GAN: variants seen among roughly 807,000 people sequenced by gnomAD.
The protein encoded by GAN is epididymis secretory sperm binding protein.
A neutral mutation model predicts 71.3 loss-of-function variants in GAN; 48 were observed. The observed-to-expected ratio is 0.67, with a 90% confidence interval of 0.53 to 0.86. GAN has a LOEUF of 0.86. GAN is among the 40% of genes least tolerant of loss of function. GAN has a pLI of 0.00. For synonymous variants in GAN, 386 were observed against 276.8 expected (o/e 1.39, Z -3.92); for missense variants, 928 against 770.1 (o/e 1.21, Z -2.43).
At position 81,315,016 on chromosome 16, in the gene GAN, C is replaced by T. The variant is rs1043696723; in HGVS notation, c.-98C>T. ...AGCTTCTGCTCAGAGCGCGGAGAGC[C>T]GGGCCGGGCGGGCGCGCGCGCAGGA... On this transcript the variant is annotated 5_prime_UTR_variant, in exon 1 of 11. Transcript: ENST00000648994. 6 of 1,047,194 alleles carry T rather than the reference C, an allele frequency of 5.7e-6. No homozygotes were observed. The highest frequency in any genetic ancestry group is 3.3e-5 in the East Asian group (1 of 30,428). 64.9% of individuals were successfully genotyped at this position (1,047,194 alleles called of 1,614,324 possible).
chr16:81,325,761 G>A (rs987855062), intron 1 of GAN, among the ~76,000 whole-genome samples: 8 of 152,192 alleles, frequency 5.3e-5, no homozygotes, highest in Admixed American at 3.9e-4. Context: ...TAACAGTTTT[G>A]AGCCTGGCTG....
rs1910428014 is a variant in GAN at position 81,354,702 on chromosome 16, T to G, written c.580T>G (p.Tyr194Asp). Residue 194 changes from tyrosine to aspartate, a missense_variant, in exon 3 of 11, where the codon TAT becomes GAT. Tyr to Asp is a radical substitution (Grantham distance 160). Coordinates refer to ENST00000648994, the MANE Select transcript of GAN (RefSeq NM_022041.4). ...GAAGTTAAACGTTGGCAATGAAAGATATGTCTTTGAAGCAGTAATTCGATG... is the reference window on the plus strand; with the variant it reads ...GAAGTTAAACGTTGGCAATGAAAGAGATGTCTTTGAAGCAGTAATTCGATG... ...LEKLNVGNER[Y>D]VFEAVIRWIA... 3.7e-6 allele frequency: 6 copies of G among 1,612,990 alleles called. No homozygotes were observed. Among genetic ancestry groups the G allele is most frequent in the Non-Finnish European group, 5.1e-6 (6 of 1,179,028 alleles).
chr16:81,373,843 A>G (rs1904274608), intron 9 of GAN, among the ~76,000 whole-genome samples: 1 of 152,152 alleles, frequency 6.6e-6, no homozygotes, highest in African/African-American at 2.4e-5. Context: ...CCTGGGTTCA[A>G]GTGATTCTCC....
chr16:81,347,611 T>C (rs1016054476), intron 1 of GAN, among the ~76,000 whole-genome samples: 1 of 152,246 alleles, frequency 6.6e-6, no homozygotes, highest in Non-Finnish European at 1.5e-5. Flanking sequence ...TGACTTCATA[T>C]AGCTGAAAAT....
At chr16:81,372,649 C>A (rs1465538476) in intron 9 of GAN, among the ~76,000 whole-genome samples, 1 of 152,148 alleles carries the variant, frequency 6.6e-6, no homozygotes, top group Admixed American at 6.5e-5. Context: ...CCTGGTAGAT[C>A]ATCTATGTAG....
chr16:81,354,558 C>T lies in GAN; in HGVS notation c.436C>T (p.Leu146Phe), dbSNP rs1910422054. Residue 146 changes from leucine (L) to phenylalanine (F), a missense_variant, in exon 3 of 11, where the codon CTC (leucine) becomes TTC (phenylalanine). Coordinates refer to ENST00000648994, the MANE Select transcript of GAN (RefSeq NM_022041.4). ...CCGTGACTTTGCACTACATTACTGC[C>T]TCCATCACGTTCATTACCTTGCCAC... is the stretch of plus-strand genomic sequence containing the variant. ...GIRDFALHYC[L>F]HHVHYLATEY... 3 of 1,614,098 alleles carry T rather than the reference C, an allele frequency of 1.9e-6. No homozygotes were observed. The South Asian group carries it at 3.3e-5, about 18-fold the overall frequency.
intron 1 of GAN, among the ~76,000 whole-genome samples, chr16:81,348,285 G>A (rs906672926): frequency 2.4e-4 from 37 of 151,622 alleles, no homozygotes; most frequent in African/African-American, 8.0e-4. Flanking sequence ...TTATGTCATC[G>A]TACTCTTGTT....
intron 1 of GAN, 62 bp from the exon 2 acceptor site, chr16:81,351,521 A>G (rs1423103486): frequency 1.3e-6 from 1 of 781,146 alleles, no homozygotes; most frequent in East Asian, 2.5e-5. Context: ...TTTTGAGTAC[A>G]TAAATATTTA....
rs754108287 is a variant in GAN, at chr16:81,354,611, C to T, written c.489C>T (p.Asp163=). The T allele has an allele frequency of 1.4e-5, 22 of 1,613,736 alleles. No homozygotes were observed. The highest frequency in any genetic ancestry group is 2.2e-5 in the South Asian group (2 of 91,070). ...ATEYLETHFR[D]VSSTEEFLEL... ...AATACCTGGAGACTCATTTCCGAGA[C>T]GTCAGCAGCACGGAAGAATTCTTAG... Residue 163 remains aspartate (D), a synonymous_variant, in exon 3 of 11, where the codon GAC becomes GAT. Transcript: ENST00000648994.
At chr16:81,328,143 G>A (rs563528713) in intron 1 of GAN, among the ~76,000 whole-genome samples, 13 of 152,166 alleles carry the variant, frequency 8.5e-5, no homozygotes, top group South Asian at 8.3e-4. Flanking sequence ...AAAATGACGC[G>A]AACTAGATTT....
chr16:81,331,978 T>A (rs1597391917), intron 1 of GAN, among the ~76,000 whole-genome samples: 1 of 151,070 alleles, frequency 6.6e-6, no homozygotes. Context: ...GCCTGACCAA[T>A]ATGGAGAAAC....
Position 81,388,828 on chromosome 16 carries a change from G to A in GAN, c.*11232G>A, listed in dbSNP as rs1480942771. The A allele has an allele frequency of 1.3e-5, 2 of 152,180 alleles. No individual in the cohort carries two copies. Among genetic ancestry groups the A allele is most frequent in the Non-Finnish European group, 2.9e-5 (2 of 68,042 alleles). The allele number at this position is 152,180 out of a possible 1,614,324, so 9.4% of individuals were successfully genotyped here. A position where few individuals can be genotyped will look rare whatever the true frequency, so the allele number is the denominator to read the frequency against. On this transcript the variant is annotated 3_prime_UTR_variant, in exon 11 of 11. Coordinates refer to ENST00000648994, the MANE Select transcript of GAN (RefSeq NM_022041.4). ...ACACACTATGTTCCAAATCGTTGTGGGATCGGAAACTAGAACTGCTTGTTT... is the reference window on the plus strand; with the variant it reads ...ACACACTATGTTCCAAATCGTTGTGAGATCGGAAACTAGAACTGCTTGTTT...
In GAN at chr16:81,350,600, C is replaced by T. The variant is rs113515379; in HGVS notation, c.168-983C>T. Among the ~76,000 whole-genome samples, 420 of 151,534 alleles carry T rather than the reference C, an allele frequency of 2.8e-3. 3 individuals are homozygous for T. Among genetic ancestry groups the T allele is most frequent in the African/African-American group, 9.7e-3 (399 of 41,254 alleles). On this transcript the variant is annotated intron_variant, in intron 1 of 10. Coordinates refer to ENST00000648994, the MANE Select transcript of GAN (RefSeq NM_022041.4). ...GCATTATCTCAGCTTACTGCAACCT[C>T]CATCTCCCAGGTTCGAGCTATTTTT...
chr16:81,341,453 C>T (rs952347195), intron 1 of GAN, among the ~76,000 whole-genome samples: 1 of 152,244 alleles, frequency 6.6e-6, no homozygotes, highest in South Asian at 2.1e-4. Flanking sequence ...AGAAACCCTA[C>T]AAACCAGAAG....
At chr16:81,342,883 A>C (rs1474045370) in intron 1 of GAN, among the ~76,000 whole-genome samples, 1 of 152,208 alleles carries the variant, frequency 6.6e-6, no homozygotes, top group Non-Finnish European at 1.5e-5. Flanking sequence ...ACTGCTAGCA[A>C]GACTAATAAA....
chr16:81,366,906 C>G (rs1910875746), intron 9 of GAN, among the ~76,000 whole-genome samples: 2 of 152,070 alleles, frequency 1.3e-5, no homozygotes, highest in South Asian at 4.1e-4. Context: ...CTTACTGCAC[C>G]ATCTGCCTCC....
At chr16:81,335,182 G>A (rs1597393183) in intron 1 of GAN, among the ~76,000 whole-genome samples, 3 of 151,038 alleles carry the variant, frequency 2.0e-5, no homozygotes, top group Non-Finnish European at 4.4e-5. Context: ...CAGGGAGGAG[G>A]TCAGGACAAG....
At chr16:81,353,896 T>A (rs771323141) in intron 2 of GAN, among the ~76,000 whole-genome samples, 2 of 152,200 alleles carry the variant, frequency 1.3e-5, no homozygotes, top group Non-Finnish European at 2.9e-5. Flanking sequence ...TGTTTTGGGA[T>A]GCGGAATGAG....
intron 1 of GAN, among the ~76,000 whole-genome samples, chr16:81,341,768 A>G (rs918532960): frequency 2.8e-4 from 43 of 152,228 alleles, no homozygotes; most frequent in South Asian, 6.2e-4. Context: ...GACAGGATCA[A>G]ATTCACACAT....
Sources: allele counts gnomAD v4.1 joint callset (sites outside exome capture counted in the v4.1 genomes callset), GRCh38; gene constraint gnomAD v4.1.1; transcripts MANE v1.5; gene names NCBI Gene and HGNC (gene_info 2026-07-23, HGNC 2026-07-21).